SLC46A1: variants seen among roughly 807,000 people sequenced by gnomAD.
SLC46A1 encodes solute carrier family 46 member 1.
SLC46A1 carries 17 observed loss-of-function variants against 32.1 expected under a neutral mutation model. The ratio of observed to expected loss-of-function variants is 0.53; its 90% confidence interval spans 0.36 to 0.79. SLC46A1 has a LOEUF of 0.79. Among genes scored for constraint, SLC46A1 ranks in the 30% least tolerant of loss-of-function variants. The pLI is 0.00. For synonymous variants in SLC46A1, 240 were observed against 262.7 expected (o/e 0.91, Z 0.84); for missense variants, 517 against 588.2 (o/e 0.88, Z 1.25).
intron 3 of SLC46A1, 30 bp from the exon 4 acceptor site, chr17:28,400,796 G>A: frequency 6.5e-7 from 1 of 1,548,256 alleles, no homozygotes; most frequent in Non-Finnish European, 8.7e-7. Flanking sequence ...ATACTCTGGA[G>A]TCCGAAAGGG....
Position 28,399,562 on chromosome 17 carries a change from T to C in SLC46A1, c.*94A>G, listed in dbSNP as rs781994095. ...AGCACTGCCCTTAGACAAGAGTTGC[T>C]TGTCCTGCTGTGGGCTGGGCTTCCA... On this transcript the variant is annotated 3_prime_UTR_variant, in exon 5 of 5. Transcript: ENST00000612814. The C allele has an allele frequency of 7.5e-7, 1 of 1,332,874 alleles. No homozygotes were observed. The highest frequency in any genetic ancestry group is 1.1e-6 in the Non-Finnish European group (1 of 934,006). The allele number at this position is 1,332,874 out of a possible 1,614,324, so 82.6% of individuals were successfully genotyped here. A position where few individuals can be genotyped will look rare whatever the true frequency, so the allele number is the denominator to read the frequency against.
upstream of SLC46A1, chr17:28,406,349 A>T: frequency 2.4e-6 from 1 of 410,026 alleles, no homozygotes; most frequent in Non-Finnish European, 4.2e-6. The surrounding 1 kb of genome is among the most constrained non-coding windows in gnomAD (Gnocchi z 4.5). Flanking sequence ...CCGCGGGATG[A>T]CCTCACCTGT....
At position 28,405,309 on chromosome 17, in the gene SLC46A1, CT is replaced by C; in HGVS notation, c.387del (p.Val130CysfsTer90). 1 of 1,589,648 alleles carries C rather than the reference CT, an allele frequency of 6.3e-7. No individual in the cohort carries two copies. The highest frequency in any genetic ancestry group is 1.1e-5 in the South Asian group (1 of 87,418). On this transcript the variant is annotated frameshift_variant, in exon 2 of 5. Coordinates refer to ENST00000612814, the MANE Select transcript of SLC46A1 (RefSeq NM_080669.6). LOFTEE classifies it high-confidence loss of function. ...LASLGLLLQA[L>X]VSVFVVQLQL... ...TGCAGCTGCACCACAAAAACGGACACTAGGGCCTGGAGCAGCAGGCCCAGCG... is the reference window on the plus strand; with the variant it reads ...TGCAGCTGCACCACAAAAACGGACACAGGGCCTGGAGCAGCAGGCCCAGCG...
At position 28,399,486 on chromosome 17, in the gene SLC46A1, G is replaced by T; in HGVS notation, c.*170C>A. On this transcript the variant is annotated 3_prime_UTR_variant, in exon 5 of 5. Coordinates refer to ENST00000612814, the MANE Select transcript of SLC46A1 (RefSeq NM_080669.6). ...TAGATCCTAGACAGAGGCTGGGTCA[G>T]CTGTGGATGGGGTGGTGCCTTGGTC... 3.1e-6 allele frequency: 2 copies of T among 648,168 alleles called. No individual in the cohort carries two copies. The highest frequency in any genetic ancestry group is 2.6e-5 in the Admixed American group (1 of 39,000). The allele number at this position is 648,168 out of a possible 1,614,324, so 40.2% of individuals were successfully genotyped here.
rs782265635 is a variant in SLC46A1 at position 28,396,118 on chromosome 17, G to A, written c.*3538C>T. On this transcript the variant is annotated 3_prime_UTR_variant, in exon 5 of 5. Transcript: ENST00000612814. ...AAACAGCTGACTAGCAGCTCCCTCT[G>A]CCCAGCTGTCTGAACCACATTGGCT... 1.2e-6 allele frequency: 2 copies of A among 1,613,728 alleles called. No individual in the cohort carries two copies. The highest frequency in any genetic ancestry group is 1.3e-5 in the African/African-American group (1 of 74,906).
chr17:28,398,390 C>A lies in SLC46A1; in HGVS notation c.*1266G>T, dbSNP rs1209784991. On this transcript the variant is annotated 3_prime_UTR_variant, in exon 5 of 5. Transcript: ENST00000612814. ...CAGCTGGAACAGCTGAAGTCACAAG[C>A]CTCCTCTAAGCCAAGGCCAGTGTGT... 6.6e-6 allele frequency: 1 copy of A among 152,368 alleles called. No homozygotes were observed. The highest frequency in any genetic ancestry group is 1.9e-4 in the East Asian group (1 of 5,200). The allele number at this position is 152,368 out of a possible 1,614,324, so 9.4% of individuals were successfully genotyped here.
intron 2 of SLC46A1, chr17:28,404,265 A>C: frequency 3.2e-6 from 1 of 315,502 alleles, no homozygotes; most frequent in African/African-American, 2.1e-5. Context: ...AGTACCAGGC[A>C]TTAATGGCAT....
At chr17:28,401,020 A>G (rs1310690276) in intron 3 of SLC46A1, 2 of 455,130 alleles carry the variant, frequency 4.4e-6, no homozygotes, top group Non-Finnish European at 7.6e-6. Flanking sequence ...GATCTGACAG[A>G]ACCCAGCACA....
chr17:28,399,823 G>A (rs1597830203), intron 4 of SLC46A1, 110 bp from the exon 5 acceptor site: 1 of 1,062,612 alleles, frequency 9.4e-7, no homozygotes, highest in Non-Finnish European at 1.5e-6. Context: ...TAGCTCTCCT[G>A]AACCTCCTCC....
intron 2 of SLC46A1, 71 bp from the exon 3 acceptor site, chr17:28,402,392 G>T: frequency 1.5e-6 from 2 of 1,344,178 alleles, no homozygotes; most frequent in African/African-American, 1.4e-5. Flanking sequence ...AGGCAGCAGA[G>T]CTCCTATCCA....
rs368270883 is a variant in SLC46A1, at chr17:28,394,700, T to A, written c.*4956A>T. 3 of 152,256 alleles carry A rather than the reference T, an allele frequency of 2.0e-5. 1 individual carries two copies. The highest frequency in any genetic ancestry group is 1.9e-4 in the East Asian group (1 of 5,192). 9.4% of individuals were successfully genotyped at this position (152,256 alleles called of 1,614,324 possible). On this transcript the variant is annotated 3_prime_UTR_variant, in exon 5 of 5. Transcript: ENST00000612814. ...ACCTTAAATAATGAGATTCAGAAAA[T>A]AAGACTAAGTATAGAGTTTCTTTGA...
At chr17:28,406,274 A>G (rs1444430777), upstream of SLC46A1, 4 of 532,112 alleles carry the variant, frequency 7.5e-6, no homozygotes, top group African/African-American at 8.0e-5. The surrounding 1 kb of genome is among the most constrained non-coding windows in gnomAD (Gnocchi z 4.5). Flanking sequence ...ACCTGAGGCC[A>G]CCGGACTCTC....
In SLC46A1 at chr17:28,399,711, A is replaced by C. The variant is rs782750258; in HGVS notation, c.1325T>G (p.Met442Arg). ...LLLIPAVLIG[M>R]LEKADPHLEF... Reference sequence around the variant, plus strand: ...GAGGTGAGGATCAGCCTTTTCCAGCATCCTGTGAGAGACCAGAGAGAGAGT... The same window carrying C: ...GAGGTGAGGATCAGCCTTTTCCAGCCTCCTGTGAGAGACCAGAGAGAGAGT... The change falls in exon 5 of 5, where the codon ATG becomes AGG. Residue 442 changes from methionine to arginine, a missense_variant and splice_region_variant. By Grantham distance (91) the Met-to-Arg change is moderately conservative. Transcript: ENST00000612814. 2.5e-6 allele frequency: 4 copies of C among 1,613,984 alleles called. No individual in the cohort carries two copies. The highest frequency in any genetic ancestry group is 3.4e-6 in the Non-Finnish European group (4 of 1,179,876).
Position 28,400,952 on chromosome 17 carries a change from G to A in SLC46A1, c.1166-186C>T. 2.9e-5 allele frequency: 18 copies of A among 622,498 alleles called. No individual in the cohort carries two copies. In the South Asian group the frequency reaches 3.3e-4, roughly 11 times the overall value. 38.6% of individuals were successfully genotyped at this position (622,498 alleles called of 1,614,324 possible). A position where few individuals can be genotyped will look rare whatever the true frequency, so the allele number is the denominator to read the frequency against. Reference sequence around the variant, plus strand: ...GTAAGGTCATATGTGGACAGTAGCTGGCACAGAGGGGCTACTAAACAAATG... The same window carrying A: ...GTAAGGTCATATGTGGACAGTAGCTAGCACAGAGGGGCTACTAAACAAATG... On this transcript the variant is annotated intron_variant, in intron 3 of 4. Coordinates refer to ENST00000612814, the MANE Select transcript of SLC46A1 (RefSeq NM_080669.6).
chr17:28,406,164 G>A lies in SLC46A1; in HGVS notation c.-50C>T. ...CAGGCGGGCGGCGGGGCGCGCGAGC[G>A]ACTCGCTGCCTGGGACCAGCGACGC... is the stretch of plus-strand genomic sequence containing the variant. On this transcript the variant is annotated 5_prime_UTR_variant, in exon 1 of 5. Coordinates refer to ENST00000612814, the MANE Select transcript of SLC46A1 (RefSeq NM_080669.6). This position sits in a 1 kb window ranked among gnomAD's most constrained non-coding sequence, Gnocchi z 4.5. The A allele has an allele frequency of 7.7e-7, 1 of 1,295,378 alleles. No homozygotes were observed. Among genetic ancestry groups the A allele is most frequent in the Non-Finnish European group, 9.9e-7 (1 of 1,012,154 alleles). The allele number at this position is 1,295,378 out of a possible 1,614,324, so 80.2% of individuals were successfully genotyped here.
chr17:28,396,510 C>A lies in SLC46A1; in HGVS notation c.*3146G>T, dbSNP rs554574915. 265 of 572,072 alleles carry A rather than the reference C, an allele frequency of 4.6e-4. 1 individual carries two copies. Among genetic ancestry groups the A allele is most frequent in the African/African-American group, 4.2e-3 (226 of 53,322 alleles). 35.4% of individuals were successfully genotyped at this position (572,072 alleles called of 1,614,324 possible). On this transcript the variant is annotated 3_prime_UTR_variant, in exon 5 of 5. Transcript: ENST00000612814. Reference sequence around the variant, plus strand: ...GGCTTGGGCACGGGAGGTTAGAACTCCCCCAGGCCCTGCCATTGGGTTGTC... The same window carrying A: ...GGCTTGGGCACGGGAGGTTAGAACTACCCCAGGCCCTGCCATTGGGTTGTC...
At position 28,396,372 on chromosome 17, in the gene SLC46A1, G is replaced by C. The variant is rs1302278533; in HGVS notation, c.*3284C>G. On this transcript the variant is annotated 3_prime_UTR_variant, in exon 5 of 5. Coordinates refer to ENST00000612814, the MANE Select transcript of SLC46A1 (RefSeq NM_080669.6). ...CAGCTCCTGAAACCAGTCTCCCTGG[G>C]CTGAGACAACCTGGGCTCTTCTTAG... 2.0e-6 allele frequency: 3 copies of C among 1,535,700 alleles called. No individual in the cohort carries two copies.
At position 28,395,625 on chromosome 17, in the gene SLC46A1, C is replaced by CG. The variant is rs547710909; in HGVS notation, c.*4030dup. On this transcript the variant is annotated 3_prime_UTR_variant, in exon 5 of 5. Coordinates refer to ENST00000612814, the MANE Select transcript of SLC46A1 (RefSeq NM_080669.6). The stretch of plus-strand genomic sequence containing the variant: ...TCTAGGCTACCCCCATAGCACCCCC[C>CG]GGGCCCCCAGTGGGGAATCATCTCT... 10 of 379,220 alleles carry CG rather than the reference C, an allele frequency of 2.6e-5. No individual in the cohort carries two copies. Among genetic ancestry groups the CG allele is most frequent in the Admixed American group, 2.4e-4 (6 of 25,310 alleles). 23.5% of individuals were successfully genotyped at this position (379,220 alleles called of 1,614,324 possible).
chr17:28,399,782 C>T, intron 4 of SLC46A1, 69 bp from the exon 5 acceptor site: 2 of 1,561,202 alleles, frequency 1.3e-6, no homozygotes, highest in Non-Finnish European at 1.8e-6. Flanking sequence ...GGAGAAGTGA[C>T]ACAGGATTTA....
Sources: gnomAD v4.1 joint callset for allele counts on GRCh38, gnomAD v4.1.1 for gene constraint, Gnocchi (gnomAD v3.1) non-coding constraint, MANE v1.5 for transcripts, NCBI Gene and HGNC (gene_info 2026-07-23, HGNC 2026-07-21) for gene names.